TENM3: variants seen among roughly 807,000 people sequenced by gnomAD.
The protein encoded by TENM3 is teneurin transmembrane protein 3.
In TENM3, 63 loss-of-function variants were observed where a neutral mutation model predicts 255.1. That is an observed-to-expected ratio of 0.25 (90% CI 0.20 to 0.30). TENM3 has a LOEUF of 0.30. TENM3 is among the 10% of genes least tolerant of loss of function. The pLI, the probability that TENM3 is intolerant of heterozygous loss-of-function variation, is 1.00. For synonymous variants in TENM3, 1,306 were observed against 1,322.3 expected, an observed-to-expected ratio of 0.99 and a Z score of 0.27; for missense variants, 2,929 against 3,461.1, an observed-to-expected ratio of 0.85 and a Z score of 3.86.
At chr4:181,728,673 A>G in the TENM3 span, among the ~76,000 whole-genome samples, 1 of 152,174 alleles carries the variant, frequency 6.6e-6, no homozygotes. Context: ...GGTTTTGGCC[A>G]GCTTCTTTAC....
At chr4:182,282,304 C>T (rs931503926) in intron 1 of TENM3, among the ~76,000 whole-genome samples, 22 of 152,198 alleles carry the variant, frequency 1.4e-4, no homozygotes, top group Admixed American at 1.3e-4. Flanking sequence ...ATTTCAAGGA[C>T]AGTAGTGAGG....
intron 15 of TENM3, 55 bp downstream of exon 15, chr4:182,730,374 C>T: frequency 6.3e-7 from 1 of 1,590,056 alleles, no homozygotes; most frequent in Non-Finnish European, 8.6e-7. Flanking sequence ...AAAACTAGAC[C>T]TTCCTGTACC....
the TENM3 span, among the ~76,000 whole-genome samples, chr4:181,804,885 C>T: frequency 6.6e-6 from 1 of 152,074 alleles, no homozygotes; most frequent in Non-Finnish European, 1.5e-5. Context: ...TGCCTATATC[C>T]GGGGCAGCCT....
At chr4:181,610,743 T>C in the TENM3 span, among the ~76,000 whole-genome samples, 1 of 152,088 alleles carries the variant, frequency 6.6e-6, no homozygotes, top group Non-Finnish European at 1.5e-5. Flanking sequence ...TTTTCTTTAA[T>C]AACACGGTAG....
intron 1 of TENM3, among the ~76,000 whole-genome samples, chr4:182,192,008 A>AT (rs769800279): frequency 8.6e-5 from 13 of 152,010 alleles, no homozygotes; most frequent in Non-Finnish European, 1.5e-4. Flanking sequence ...CCTGCCACCT[A>AT]TTTTTTTTGT....
chr4:182,662,930 G>A (rs1261419395), intron 6 of TENM3, among the ~76,000 whole-genome samples: 1 of 152,168 alleles, frequency 6.6e-6, no homozygotes, highest in Non-Finnish European at 1.5e-5. Context: ...AGAATTTAAA[G>A]ACAAAGCCCC....
the TENM3 span, among the ~76,000 whole-genome samples, chr4:181,761,087 C>T: frequency 6.6e-6 from 1 of 151,004 alleles, no homozygotes; most frequent in Non-Finnish European, 1.5e-5. Flanking sequence ...ATATTTTAAT[C>T]AAATTACTCT....
At chr4:181,909,728 A>G in the TENM3 span, among the ~76,000 whole-genome samples, 1 of 152,210 alleles carries the variant, frequency 6.6e-6, no homozygotes, top group Non-Finnish European at 1.5e-5. Flanking sequence ...GTTCGAGGGC[A>G]AAGGAAACAG....
At chr4:182,258,382 G>A (rs190799885) in intron 1 of TENM3, among the ~76,000 whole-genome samples, 61 of 152,138 alleles carry the variant, frequency 4.0e-4, no homozygotes, top group African/African-American at 1.4e-3. Context: ...GAATACTCAG[G>A]GAGAAAAGCA....
At chr4:182,640,213 TA>T (rs1272842583) in intron 5 of TENM3, among the ~76,000 whole-genome samples, 1 of 152,284 alleles carries the variant, frequency 6.6e-6, no homozygotes, top group Admixed American at 6.5e-5. Context: ...GTCAATCACT[TA>T]AAAAAGAAGT....
At chr4:182,755,298 G>A (rs1000905116) in intron 22 of TENM3, 39 bp downstream of exon 22, 16 of 1,411,656 alleles carry the variant, frequency 1.1e-5, no homozygotes, top group African/African-American at 1.4e-5. Context: ...ATAAAATACT[G>A]TGATATAATA....
chr4:181,899,919 AT>A, the TENM3 span, among the ~76,000 whole-genome samples: 3 of 152,114 alleles, frequency 2.0e-5, no homozygotes, highest in South Asian at 2.1e-4. Flanking sequence ...AGTAAACCTA[AT>A]TTTTTCCCAC....
the TENM3 span, among the ~76,000 whole-genome samples, chr4:182,107,492 C>T: frequency 8.4e-4 from 128 of 152,286 alleles, no homozygotes; most frequent in Non-Finnish European, 1.6e-3. Context: ...GCACATTCGA[C>T]AGTTATTCTT....
intron 3 of TENM3, among the ~76,000 whole-genome samples, chr4:182,543,865 C>T (rs1319345499): frequency 6.6e-6 from 1 of 151,830 alleles, no homozygotes; most frequent in African/African-American, 2.4e-5. Context: ...TTTATTAGGG[C>T]TTATTTTATT....
At chr4:182,012,020 G>A in the TENM3 span, among the ~76,000 whole-genome samples, 18 of 152,084 alleles carry the variant, frequency 1.2e-4, no homozygotes, top group Admixed American at 4.6e-4. Flanking sequence ...ACCGACAGCC[G>A]GCATCAACTG....
chr4:181,677,439 C>T, the TENM3 span, among the ~76,000 whole-genome samples: 1 of 152,060 alleles, frequency 6.6e-6, no homozygotes, highest in Admixed American at 6.6e-5. Context: ...TGAAAATGTC[C>T]CTCTTTCACT....
intron 1 of TENM3, among the ~76,000 whole-genome samples, chr4:182,248,833 A>G (rs1299003604): frequency 1.3e-5 from 2 of 152,204 alleles, no homozygotes; most frequent in Non-Finnish European, 2.9e-5. Context: ...TGAGATGTGG[A>G]AAGTTCTTTA....
chr4:182,478,433 T>A (rs543112279), intron 3 of TENM3, among the ~76,000 whole-genome samples: 2 of 152,076 alleles, frequency 1.3e-5, no homozygotes, highest in African/African-American at 2.4e-5. Context: ...GAAAAAAATT[T>A]GAGTTTCATA....
intron 3 of TENM3, among the ~76,000 whole-genome samples, chr4:182,579,445 G>T (rs1384623522): frequency 2.6e-5 from 4 of 152,138 alleles, no homozygotes; most frequent in African/African-American, 7.2e-5. Context: ...GAATCAAAGA[G>T]CAAGAGTCAA....
Sources: allele counts gnomAD v4.1 joint callset (sites outside exome capture counted in the v4.1 genomes callset), GRCh38; gene constraint gnomAD v4.1.1; transcripts MANE v1.5; gene names NCBI Gene and HGNC (gene_info 2026-07-23, HGNC 2026-07-21).